Variants in FSD2 observed in about 807,000 individuals in gnomAD.
FSD2 encodes the protein fibronectin type III and SPRY domain-containing protein 2.
FSD2 carries 71 observed loss-of-function variants against 80.4 expected under a neutral mutation model. That is an observed-to-expected ratio of 0.88 (90% CI 0.73 to 1.08). The LOEUF (loss-of-function observed/expected upper bound fraction) is 1.08, where lower values mean the gene tolerates loss of function less well. Among genes scored for constraint, FSD2 ranks in the 50% least tolerant of loss-of-function variants. FSD2 has a pLI of 0.00. For synonymous variants in FSD2, 361 were observed against 329.5 expected (o/e 1.10, Z -1.03); for missense variants, 923 against 913.8 (o/e 1.01, Z -0.13).
At chr15:82,785,174 C>T (rs760933685) in intron 3 of FSD2, among the ~76,000 whole-genome samples, 2 of 152,026 alleles carry the variant, frequency 1.3e-5, no homozygotes, top group Non-Finnish European at 2.9e-5. Flanking sequence ...CACATTCTTA[C>T]CCATGTCAAG....
chr15:82,774,719 C>CT (rs58976684), intron 6 of FSD2, among the ~76,000 whole-genome samples: 5,447 of 145,044 alleles, frequency 0.038, 112 homozygotes, highest in Admixed American at 0.056. Context: ...TTTCTAAATC[C>CT]TTTTTTTTTT....
Position 82,757,394 on chromosome 15 carries a change from C to G in FSD2, c.*1954G>C. 1 of 140,564 alleles carries G rather than the reference C, an allele frequency of 7.1e-6. No homozygotes were observed. Among genetic ancestry groups the G allele is most frequent in the East Asian group, 2.1e-4 (1 of 4,866 alleles). 8.7% of individuals were successfully genotyped at this position (140,564 alleles called of 1,614,324 possible). A position where few individuals can be genotyped will look rare whatever the true frequency, so the allele number is the denominator to read the frequency against. On this transcript the variant is annotated 3_prime_UTR_variant, in exon 13 of 13. Transcript: ENST00000334574. ...TTGAGATGGAGTCTTGATCTGTGAG[C>G]CATCTCGGCTCACTGCAAGCTCCAC... is the stretch of plus-strand genomic sequence containing the variant.
At chr15:82,782,194 G>C (rs1320963372) in intron 4 of FSD2, among the ~76,000 whole-genome samples, 1 of 150,386 alleles carries the variant, frequency 6.6e-6, no homozygotes, top group East Asian at 1.9e-4. Flanking sequence ...AGGAGATCAA[G>C]ACCATCCTGG....
intron 3 of FSD2, among the ~76,000 whole-genome samples, chr15:82,784,281 G>A (rs1261000525): frequency 2.7e-5 from 4 of 150,784 alleles, no homozygotes; most frequent in Non-Finnish European, 4.4e-5. Flanking sequence ...GCCTCATTTT[G>A]CCACCCAGGT....
chr15:82,786,788 T>C lies in FSD2; in HGVS notation c.603A>G (p.Glu201=). 1 of 1,614,040 alleles carries C rather than the reference T, an allele frequency of 6.2e-7. No individual in the cohort carries two copies. The highest frequency in any genetic ancestry group is 8.5e-7 in the Non-Finnish European group (1 of 1,179,888). The change falls in exon 2 of 13, where the codon GAA becomes GAG. Residue 201 remains glutamate (E), a synonymous_variant. Coordinates refer to ENST00000334574, the MANE Select transcript of FSD2 (RefSeq NM_001007122.4). ...QKVFDEHKEH[E]VIPLNEALES... The stretch of plus-strand genomic sequence containing the variant: ...CCAGTGCTTCATTGAGTGGGATCAC[T>C]TCATGCTCCTTATGTTCATCAAAAA...
chr15:82,765,931 C>T lies in FSD2; in HGVS notation c.1654G>A (p.Val552Met), dbSNP rs759649017. Reference sequence around the variant, plus strand: ...TGGACTGTAGCTGGCTCGCTCCTCACGCTGGGGCCCCCCATATTGAGGGCT... The same window carrying T: ...TGGACTGTAGCTGGCTCGCTCCTCATGCTGGGGCCCCCCATATTGAGGGCT... The part of the protein sequence containing the change: ...VRALNMGGPS[V>M]RSEPATVHTI... Residue 552 changes from valine to methionine, a missense_variant, in exon 10 of 13, where the codon GTG (valine) becomes ATG (methionine). Coordinates refer to ENST00000334574, the MANE Select transcript of FSD2 (RefSeq NM_001007122.4). The T allele has an allele frequency of 1.7e-4, 267 of 1,610,174 alleles. No individual in the cohort carries two copies. Among genetic ancestry groups the T allele is most frequent in the Non-Finnish European group, 2.2e-4 (255 of 1,178,904 alleles).
chr15:82,797,460 T>G (rs1238754774), intron 1 of FSD2, among the ~76,000 whole-genome samples: 2 of 152,254 alleles, frequency 1.3e-5, no homozygotes, highest in African/African-American at 4.8e-5. Flanking sequence ...AAATAAACTT[T>G]TTTTAAAAAA....
intron 7 of FSD2, among the ~76,000 whole-genome samples, chr15:82,770,152 C>T (rs549248999): frequency 6.6e-6 from 1 of 152,318 alleles, no homozygotes; most frequent in Admixed American, 6.5e-5. Context: ...TGGAAGTGCT[C>T]GTGCACAGGG....
chr15:82,779,145 G>A (rs1192360848), intron 5 of FSD2, among the ~76,000 whole-genome samples: 1 of 152,084 alleles, frequency 6.6e-6, no homozygotes, highest in South Asian at 2.1e-4. Flanking sequence ...GGTAGAGGGC[G>A]ATCTGCCAAC....
At chr15:82,804,449 C>T (rs1472185522) in intron 1 of FSD2, among the ~76,000 whole-genome samples, 1 of 152,072 alleles carries the variant, frequency 6.6e-6, no homozygotes, top group Non-Finnish European at 1.5e-5. Flanking sequence ...TTTTCTTTTA[C>T]AAAAATGTAT....
chr15:82,764,936 G>A (rs927258376), intron 11 of FSD2, among the ~76,000 whole-genome samples: 5 of 152,020 alleles, frequency 3.3e-5, no homozygotes, highest in South Asian at 2.1e-4. Flanking sequence ...CCAGGGGACC[G>A]CGCCCTCTCC....
At chr15:82,801,312 C>G (rs955968981) in intron 1 of FSD2, among the ~76,000 whole-genome samples, 2 of 152,220 alleles carry the variant, frequency 1.3e-5, no homozygotes, top group Non-Finnish European at 2.9e-5. Flanking sequence ...CCAACTATCA[C>G]TCCCCCAGTT....
intron 1 of FSD2, among the ~76,000 whole-genome samples, chr15:82,788,870 C>T (rs888240917): frequency 6.6e-6 from 1 of 151,762 alleles, no homozygotes; most frequent in African/African-American, 2.4e-5. Flanking sequence ...AAGCATTTGC[C>T]AGGTGTGGTG....
intron 6 of FSD2, among the ~76,000 whole-genome samples, chr15:82,774,808 A>G (rs1050193067): frequency 2.0e-5 from 3 of 147,568 alleles, no homozygotes; most frequent in Admixed American, 6.8e-5. Flanking sequence ...CACAGTCTCC[A>G]CCTCCCGGAT....
intron 6 of FSD2, among the ~76,000 whole-genome samples, chr15:82,773,432 C>T (rs924372040): frequency 6.6e-6 from 1 of 152,030 alleles, no homozygotes; most frequent in Non-Finnish European, 1.5e-5. Flanking sequence ...GGAGATGCAG[C>T]GTAAGAAAAT....
intron 4 of FSD2, 108 bp from the exon 5 acceptor site, chr15:82,780,375 C>G: frequency 2.6e-6 from 2 of 773,898 alleles, no homozygotes; most frequent in South Asian, 1.9e-5. Context: ...CACTCTGTCC[C>G]CCAGGCTGGA....
At chr15:82,772,971 T>C (rs1055530530) in intron 6 of FSD2, among the ~76,000 whole-genome samples, 2 of 152,174 alleles carry the variant, frequency 1.3e-5, no homozygotes, top group Admixed American at 1.3e-4. Flanking sequence ...CTCAGCCTCC[T>C]GAGTAGCTGG....
At position 82,758,423 on chromosome 15, in the gene FSD2, C is replaced by A. The variant is rs962764269; in HGVS notation, c.*925G>T. 6.5e-6 allele frequency: 1 copy of A among 152,836 alleles called. No homozygotes were observed. The allele number at this position is 152,836 out of a possible 1,614,324, so 9.5% of individuals were successfully genotyped here. A position where few individuals can be genotyped will look rare whatever the true frequency, so the allele number is the denominator to read the frequency against. ...CTAGCTAGAGATCAGTCTTCCTTCC[C>A]GTGCTCAGCTTTGCCCTTTGGTGGG... is the stretch of plus-strand genomic sequence containing the variant. On this transcript the variant is annotated 3_prime_UTR_variant, in exon 13 of 13. Transcript: ENST00000334574.
chr15:82,782,018 C>T lies in FSD2; in HGVS notation c.966+777G>A, dbSNP rs576634256. Among the ~76,000 whole-genome samples the T allele has an allele frequency of 4.1e-5, 6 of 147,974 alleles. 1 individual carries two copies. The East Asian group carries it at 7.9e-4, about 20-fold the overall frequency. ...GGAAGAGGTTGCAGTGAGCCGAGAT[C>T]GTGCCACTGCACTCCAGCCTGGGCA... On this transcript the variant is annotated intron_variant, in intron 4 of 12. Transcript: ENST00000334574.
Sources: gnomAD v4.1 joint callset for allele counts (sites outside exome capture counted in the v4.1 genomes callset) on GRCh38, gnomAD v4.1.1 for gene constraint, MANE v1.5 for transcripts, NCBI Gene and HGNC (gene_info 2026-07-23, HGNC 2026-07-21) for gene names.